Variants in GPRIN3 observed in about 807,000 individuals in gnomAD.
GPRIN3 encodes GPRIN family member 3.
A neutral mutation model predicts 13.7 loss-of-function variants in GPRIN3; 12 were observed. The observed-to-expected ratio is 0.87, with a 90% CI of 0.56 to 1.42. The LOEUF (loss-of-function observed/expected upper bound fraction) is 1.42, where lower values mean the gene tolerates loss of function less well. Ranked by LOEUF, GPRIN3 falls within the 40% of genes most tolerant of loss-of-function variation. The probability of loss-of-function intolerance (pLI) is 0.00; values close to 1 mark genes in which losing one functional copy is unlikely to be tolerated. For missense variants in GPRIN3, 1,009 were observed against 958.7 expected (o/e 1.05, Z -0.69); for synonymous variants, 377 against 372.7 (o/e 1.01, Z -0.13).
At position 89,279,955 on chromosome 4, in the gene GPRIN3, T is replaced by C. The variant is rs1024143086; in HGVS notation, c.-124+27660A>G. The stretch of plus-strand genomic sequence containing the variant: ...TCATCTCCAAAATAGCAACTCTCCA[T>C]TTAGAAGTCCTATTGATATCGTAAA... On this transcript the variant is annotated intron_variant, in intron 1 of 1. Coordinates refer to ENST00000609438, the MANE Select transcript of GPRIN3 (RefSeq NM_198281.3). Among the ~76,000 whole-genome samples, 4 of 152,328 alleles carry C rather than the reference T, an allele frequency of 2.6e-5. No homozygotes were observed. The South Asian group carries it at 8.3e-4, about 32-fold the overall frequency.
At chr4:89,256,980 T>C (rs13118995) in intron 1 of GPRIN3, among the ~76,000 whole-genome samples, 87,286 of 152,078 alleles carry the variant, frequency 0.57, 25,674 homozygotes, top group South Asian at 0.72. Context: ...GATTCAATCC[T>C]AGGAAACAGC....
At chr4:89,271,666 G>A (rs2149271946) in intron 1 of GPRIN3, among the ~76,000 whole-genome samples, 1 of 152,130 alleles carries the variant, frequency 6.6e-6, no homozygotes, top group East Asian at 1.9e-4. Context: ...TGAAATTCAT[G>A]GATAGAGAGG....
At position 89,239,188 on chromosome 4, in the gene GPRIN3, A is replaced by G. The variant is rs576118777; in HGVS notation, c.*8592T>C. On this transcript the variant is annotated 3_prime_UTR_variant, in exon 2 of 2. Transcript: ENST00000609438. ...TAACTTTGGATTTTAATATTAATAC[A>G]TTCATAAATGGACTTTCCATTTTGA... is the stretch of plus-strand genomic sequence containing the variant. 7 of 152,164 alleles carry G rather than the reference A, an allele frequency of 4.6e-5. No homozygotes were observed. The highest frequency in any genetic ancestry group is 8.8e-5 in the Non-Finnish European group (6 of 68,008). 9.4% of individuals were successfully genotyped at this position (152,164 alleles called of 1,614,324 possible). A position where few individuals can be genotyped will look rare whatever the true frequency, so the allele number is the denominator to read the frequency against.
At position 89,243,522 on chromosome 4, in the gene GPRIN3, A is replaced by G. The variant is rs1370429336; in HGVS notation, c.*4258T>C. 1 of 152,226 alleles carries G rather than the reference A, an allele frequency of 6.6e-6. No homozygotes were observed. Among genetic ancestry groups the G allele is most frequent in the East Asian group, 1.9e-4 (1 of 5,198 alleles). 9.4% of individuals were successfully genotyped at this position (152,226 alleles called of 1,614,324 possible). A position where few individuals can be genotyped will look rare whatever the true frequency, so the allele number is the denominator to read the frequency against. ...CTCAGATACATATGTAAAATAACAA[A>G]CACTAAAGGGGATGTTTGACTTCTG... is the stretch of plus-strand genomic sequence containing the variant. On this transcript the variant is annotated 3_prime_UTR_variant, in exon 2 of 2. Coordinates refer to ENST00000609438, the MANE Select transcript of GPRIN3 (RefSeq NM_198281.3).
chr4:89,275,740 C>G (rs1462507784), intron 1 of GPRIN3, among the ~76,000 whole-genome samples: 1 of 152,196 alleles, frequency 6.6e-6, no homozygotes, highest in Non-Finnish European at 1.5e-5. Flanking sequence ...TTTTTCCCTC[C>G]TTTAATGAAG....
At chr4:89,298,196 T>C (rs1198673778) in intron 1 of GPRIN3, among the ~76,000 whole-genome samples, 1 of 152,168 alleles carries the variant, frequency 6.6e-6, no homozygotes, top group African/African-American at 2.4e-5. Flanking sequence ...ATCTTATATC[T>C]GTTCCGTTTT....
chr4:89,263,014 T>C (rs1043627123), intron 1 of GPRIN3, among the ~76,000 whole-genome samples: 2 of 152,262 alleles, frequency 1.3e-5, no homozygotes, highest in African/African-American at 4.8e-5. Flanking sequence ...ATTGACTAAA[T>C]GTCAACATAC....
Position 89,248,217 on chromosome 4 carries a change from G to T in GPRIN3, c.1894C>A (p.Pro632Thr), listed in dbSNP as rs1222219233. ...KTPSRSVKAS[P>T]RRPSRVSEFL... ...TCGCTGACGCGGCTGGGCCTGCGTG[G>T]GCTGGCTTTGACGGAGCGAGATGGG... Residue 632 changes from proline (P) to threonine (T), a missense_variant, in exon 2 of 2, where the codon CCA becomes ACA. Transcript: ENST00000609438. 1.1e-5 allele frequency: 17 copies of T among 1,614,056 alleles called. No individual in the cohort carries two copies. Among genetic ancestry groups the T allele is most frequent in the Non-Finnish European group, 1.4e-5 (17 of 1,180,026 alleles).
In GPRIN3 at chr4:89,249,590, A is replaced by G. The variant is rs758744108; in HGVS notation, c.521T>C (p.Val174Ala). ...TTTGCTGCTACTGAGGACGCCTCCC[A>G]CAGGACAACTTGGTTTCTCAGGTTG... ...REQPEKPSCP[V>A]GGVLSSSKDQ... Residue 174 changes from valine (V) to alanine (A), a missense_variant, in exon 2 of 2, where the codon GTG (valine) becomes GCG (alanine). Val to Ala is a moderately conservative substitution (Grantham distance 64, BLOSUM62 0). Coordinates refer to ENST00000609438, the MANE Select transcript of GPRIN3 (RefSeq NM_198281.3). The G allele has an allele frequency of 6.2e-7, 1 of 1,614,124 alleles. No individual in the cohort carries two copies. Among genetic ancestry groups the G allele is most frequent in the Non-Finnish European group, 8.5e-7 (1 of 1,180,012 alleles).
At chr4:89,306,513 C>T (rs906897551) in intron 1 of GPRIN3, among the ~76,000 whole-genome samples, 15 of 152,118 alleles carry the variant, frequency 9.9e-5, no homozygotes, top group Admixed American at 9.2e-4. Context: ...CTTGCAAAAA[C>T]AAAATAAAAA....
chr4:89,284,586 A>T (rs1204990336), intron 1 of GPRIN3, among the ~76,000 whole-genome samples: 5 of 152,194 alleles, frequency 3.3e-5, no homozygotes, highest in Non-Finnish European at 5.9e-5. Context: ...ATGGTAGTAG[A>T]ATTACTTGGG....
intron 1 of GPRIN3, among the ~76,000 whole-genome samples, chr4:89,282,357 G>T (rs1415615466): frequency 6.6e-6 from 1 of 152,162 alleles, no homozygotes; most frequent in African/African-American, 2.4e-5. Context: ...GATACTGGGA[G>T]TCAGGAATGT....
chr4:89,251,054 T>C (rs1279549013), intron 1 of GPRIN3: 1 of 151,978 alleles, frequency 6.6e-6, no homozygotes, highest in African/African-American at 2.4e-5. Flanking sequence ...AAATAAAAAG[T>C]GTATAACCCT....
At chr4:89,258,245 A>G (rs1723533809) in intron 1 of GPRIN3, among the ~76,000 whole-genome samples, 1 of 140,832 alleles carries the variant, frequency 7.1e-6, no homozygotes, top group Non-Finnish European at 1.5e-5. Flanking sequence ...TTTTTTTTTG[A>G]GACAGAGTCT....
rs775109496 is a variant in GPRIN3, at chr4:89,248,229, C to T, written c.1882G>A (p.Val628Ile). Residue 628 changes from valine (V) to isoleucine (I), a missense_variant, in exon 2 of 2, where the codon GTC becomes ATC. Coordinates refer to ENST00000609438, the MANE Select transcript of GPRIN3 (RefSeq NM_198281.3). ...CTGGGCCTGCGTGGGCTGGCTTTGACGGAGCGAGATGGGGTCTTCTTGCCA... is the reference window on the plus strand; with the variant it reads ...CTGGGCCTGCGTGGGCTGGCTTTGATGGAGCGAGATGGGGTCTTCTTGCCA... ...GSGKKTPSRSVKASPRRPSRV... is the reference protein window; with the variant it reads ...GSGKKTPSRSIKASPRRPSRV... The T allele has an allele frequency of 6.2e-6, 10 of 1,614,142 alleles. No individual in the cohort carries two copies. The Admixed American group carries it at 6.7e-5, about 11-fold the overall frequency.
chr4:89,287,348 T>C (rs747751927), intron 1 of GPRIN3, among the ~76,000 whole-genome samples: 1 of 152,228 alleles, frequency 6.6e-6, no homozygotes, highest in African/African-American at 2.4e-5. Flanking sequence ...ATAATTTTAT[T>C]TCCTTAAGCT....
intron 1 of GPRIN3, among the ~76,000 whole-genome samples, chr4:89,296,951 C>G (rs1724755048): frequency 6.6e-6 from 1 of 152,136 alleles, no homozygotes; most frequent in Non-Finnish European, 1.5e-5. Context: ...AGATAGAAGA[C>G]AGAAGTCCAT....
At chr4:89,300,568 A>T (rs1724867782) in intron 1 of GPRIN3, among the ~76,000 whole-genome samples, 1 of 152,138 alleles carries the variant, frequency 6.6e-6, no homozygotes, top group Non-Finnish European at 1.5e-5. Flanking sequence ...ATATCTCCAA[A>T]TCTGAGGCCC....
intron 1 of GPRIN3, among the ~76,000 whole-genome samples, chr4:89,276,072 GTACTTTTCTCTGA>G (rs1396824603): frequency 6.6e-6 from 1 of 152,160 alleles, no homozygotes; most frequent in Non-Finnish European, 1.5e-5. Context: ...ATAAACAGTA[GTACTTTTCTCTGA>G]GCCCAGAGCC....
Sources: gnomAD v4.1 joint callset for allele counts (sites outside exome capture counted in the v4.1 genomes callset) on GRCh38, gnomAD v4.1.1 for gene constraint, MANE v1.5 for transcripts, NCBI Gene and HGNC (gene_info 2026-07-23, HGNC 2026-07-21) for gene names.